SREK1IP1: variants seen among roughly 807,000 people sequenced by gnomAD.
The protein encoded by SREK1IP1 is protein SREK1IP1.
A neutral mutation model predicts 22.8 loss-of-function variants in SREK1IP1; 12 were observed. The observed-to-expected ratio is 0.53, with a 90% CI of 0.34 to 0.85. The LOEUF (loss-of-function observed/expected upper bound fraction) is 0.85. Ranked by LOEUF, SREK1IP1 falls within the 40% of genes least tolerant of loss-of-function variation. The pLI, the probability that SREK1IP1 is intolerant of heterozygous loss-of-function variation, is 0.02. For synonymous variants in SREK1IP1, 53 were observed against 52.7 expected, an observed-to-expected ratio of 1.01 and a Z score of -0.02; for missense variants, 147 against 171.8, an observed-to-expected ratio of 0.86 and a Z score of 0.81.
chr5:64,760,320 T>G (rs1264869334), intron 1 of SREK1IP1, among the ~76,000 whole-genome samples: 1 of 152,218 alleles, frequency 6.6e-6, no homozygotes, highest in Non-Finnish European at 1.5e-5. Flanking sequence ...CCTCATGCAT[T>G]TCAAGGAAAT....
At chr5:64,729,624 A>C (rs1340542289) in intron 3 of SREK1IP1, among the ~76,000 whole-genome samples, 1 of 152,186 alleles carries the variant, frequency 6.6e-6, no homozygotes, top group Non-Finnish European at 1.5e-5. Flanking sequence ...TTACAAGGTA[A>C]ATGAATTGGA....
intron 2 of SREK1IP1, among the ~76,000 whole-genome samples, chr5:64,744,711 C>T (rs148324524): frequency 1.3e-3 from 192 of 152,226 alleles, no homozygotes; most frequent in African/African-American, 4.5e-3. Flanking sequence ...AATCACAACA[C>T]GTAGTTGGAC....
chr5:64,761,214 T>C (rs1742947805), intron 1 of SREK1IP1, among the ~76,000 whole-genome samples: 1 of 152,222 alleles, frequency 6.6e-6, no homozygotes, highest in Non-Finnish European at 1.5e-5. Context: ...AATCAGGTAA[T>C]TGGGCTGGTC....
Position 64,721,272 on chromosome 5 carries a change from T to C in SREK1IP1, c.*3112A>G, listed in dbSNP as rs1357667570. 5 of 152,184 alleles carry C rather than the reference T, an allele frequency of 3.3e-5. No homozygotes were observed. Among genetic ancestry groups the C allele is most frequent in the African/African-American group, 9.7e-5 (4 of 41,450 alleles). The allele number at this position is 152,184 out of a possible 1,614,324, so 9.4% of individuals were successfully genotyped here. A position where few individuals can be genotyped will look rare whatever the true frequency, so the allele number is the denominator to read the frequency against. ...CAGGGAGGCAAATGTGTCTTACTTA[T>C]CTCTGTATCCCCAGTACTTAGCACA... On this transcript the variant is annotated 3_prime_UTR_variant, in exon 5 of 5. Transcript: ENST00000513458.
At chr5:64,768,261 A>G (rs1743094097) in intron 1 of SREK1IP1, among the ~76,000 whole-genome samples, 1 of 152,048 alleles carries the variant, frequency 6.6e-6, no homozygotes, top group Admixed American at 6.5e-5. Flanking sequence ...CCCTTCCACA[A>G]TACACTTTCC....
chr5:64,749,577 CAG>C (rs370485347), intron 2 of SREK1IP1, among the ~76,000 whole-genome samples: 10 of 152,234 alleles, frequency 6.6e-5, no homozygotes, highest in African/African-American at 2.4e-4. Flanking sequence ...GCTGAAACAA[CAG>C]GTGCACGCCA....
chr5:64,754,571 C>A, intron 1 of SREK1IP1: 1 of 480,594 alleles, frequency 2.1e-6, no homozygotes, highest in Non-Finnish European at 3.8e-6. Flanking sequence ...TCAGGCGATC[C>A]TCCTACCTTA....
intron 3 of SREK1IP1, among the ~76,000 whole-genome samples, chr5:64,732,144 C>T (rs1020042051): frequency 2.0e-5 from 3 of 151,998 alleles, no homozygotes; most frequent in Non-Finnish European, 4.4e-5. Context: ...TGCCATTTGT[C>T]CTGAAAAACT....
chr5:64,755,546 T>C (rs1241280037), intron 1 of SREK1IP1, among the ~76,000 whole-genome samples: 1 of 152,050 alleles, frequency 6.6e-6, no homozygotes, highest in East Asian at 1.9e-4. Context: ...TAACAGATAC[T>C]GGGGACCATT....
At chr5:64,750,143 T>A (rs1435962957) in intron 2 of SREK1IP1, among the ~76,000 whole-genome samples, 1 of 152,222 alleles carries the variant, frequency 6.6e-6, no homozygotes, top group Non-Finnish European at 1.5e-5. Context: ...CTGGGTTCCC[T>A]GACATTCTAG....
intron 1 of SREK1IP1, among the ~76,000 whole-genome samples, chr5:64,755,551 A>G (rs951653398): frequency 6.6e-6 from 1 of 152,086 alleles, no homozygotes; most frequent in African/African-American, 2.4e-5. Context: ...GATACTGGGG[A>G]CCATTGGGAG....
At chr5:64,751,697 T>C (rs1051019098) in intron 2 of SREK1IP1, among the ~76,000 whole-genome samples, 1 of 152,214 alleles carries the variant, frequency 6.6e-6, no homozygotes, top group Admixed American at 6.5e-5. Flanking sequence ...TACAGATTTC[T>C]AGGGAGGCAG....
At chr5:64,749,481 G>C (rs566046890) in intron 2 of SREK1IP1, among the ~76,000 whole-genome samples, 119 of 151,506 alleles carry the variant, frequency 7.9e-4, no homozygotes, top group Non-Finnish European at 1.5e-3. Flanking sequence ...CTGTTACCCA[G>C]GCAGGAGTGC....
intron 1 of SREK1IP1, among the ~76,000 whole-genome samples, chr5:64,767,696 G>T (rs1476692723): frequency 1.3e-5 from 2 of 152,066 alleles, no homozygotes; most frequent in Non-Finnish European, 2.9e-5. Context: ...TATTCTAATA[G>T]AATAGAATCT....
intron 1 of SREK1IP1, among the ~76,000 whole-genome samples, chr5:64,765,967 A>C (rs1743026151): frequency 6.6e-6 from 1 of 152,232 alleles, no homozygotes; most frequent in Non-Finnish European, 1.5e-5. Context: ...TATAAAGATC[A>C]CTAGAGCTGA....
Position 64,768,656 on chromosome 5 carries a change from GC to G in SREK1IP1, c.-140del, listed in dbSNP as rs1330302699. ...AGCACCCTCGCTACGGTCGGGAAGGGCCTGTACGCCTCTAGCGACGGCAGAA... is the reference window on the plus strand; with the variant it reads ...AGCACCCTCGCTACGGTCGGGAAGGGCTGTACGCCTCTAGCGACGGCAGAA... On this transcript the variant is annotated 5_prime_UTR_variant, in exon 1 of 5. Transcript: ENST00000513458. 1 of 1,172,266 alleles carries G rather than the reference GC, an allele frequency of 8.5e-7. No homozygotes were observed. The highest frequency in any genetic ancestry group is 2.4e-5 in the East Asian group (1 of 41,102). 72.6% of individuals were successfully genotyped at this position (1,172,266 alleles called of 1,614,324 possible). A position where few individuals can be genotyped will look rare whatever the true frequency, so the allele number is the denominator to read the frequency against.
intron 2 of SREK1IP1, among the ~76,000 whole-genome samples, chr5:64,744,547 T>C (rs895425246): frequency 6.6e-6 from 1 of 152,186 alleles, no homozygotes; most frequent in African/African-American, 2.4e-5. Flanking sequence ...CCACTAGTGC[T>C]CTTTTGTTTA....
At chr5:64,727,553 A>ATATATATATATATTT in intron 4 of SREK1IP1, 1 of 84,682 alleles carries the variant, frequency 1.2e-5, no homozygotes, top group African/African-American at 5.5e-5. Context: ...ATATATATAT[A>ATATATATATATATTT]TTTTTTTTTT....
At chr5:64,753,188 T>A (rs185745783) in intron 2 of SREK1IP1, among the ~76,000 whole-genome samples, 3 of 152,204 alleles carry the variant, frequency 2.0e-5, no homozygotes, top group Non-Finnish European at 1.5e-5. Flanking sequence ...GAGACTGATA[T>A]TAGTAGACAG....
Sources: allele counts gnomAD v4.1 joint callset (sites outside exome capture counted in the v4.1 genomes callset), GRCh38; gene constraint gnomAD v4.1.1; transcripts MANE v1.5; gene names NCBI Gene and HGNC (gene_info 2026-07-23, HGNC 2026-07-21).